Variants in CNTN4 observed in about 807,000 individuals in gnomAD.
CNTN4 encodes the protein contactin 4, also known as contactin-4.
A neutral mutation model predicts 122.5 loss-of-function variants in CNTN4; 77 were observed. That is an observed-to-expected ratio of 0.63 (90% CI 0.52 to 0.76). The LOEUF is 0.76. CNTN4 is among the 30% of genes least tolerant of loss of function. CNTN4 has a pLI of 0.00. For synonymous variants in CNTN4, 512 were observed against 447.0 expected (o/e 1.15, Z -1.83); for missense variants, 1,256 against 1,259.1 (o/e 1.00, Z 0.04).
intron 4 of CNTN4, among the ~76,000 whole-genome samples, chr3:2,634,932 C>G (rs1032418841): frequency 6.6e-6 from 1 of 151,750 alleles, no homozygotes; most frequent in Admixed American, 6.6e-5. Context: ...AAAAGAAATC[C>G]AGTATTGGGG....
chr3:2,423,054 G>A (rs11716221), intron 3 of CNTN4, among the ~76,000 whole-genome samples: 35,947 of 152,092 alleles, frequency 0.24, 5,384 homozygotes, highest in Non-Finnish European at 0.35. Flanking sequence ...TGTTTTAGTG[G>A]AATGAACTTA....
At chr3:2,589,181 G>A (rs942006412) in intron 4 of CNTN4, among the ~76,000 whole-genome samples, 1 of 152,178 alleles carries the variant, frequency 6.6e-6, no homozygotes, top group Non-Finnish European at 1.5e-5. Context: ...ATTGTGACTG[G>A]AGATCCTTTA....
intron 2 of CNTN4, among the ~76,000 whole-genome samples, chr3:2,131,765 GCAAAACAGTTAA>G (rs773350000): frequency 6.6e-6 from 1 of 152,140 alleles, no homozygotes; most frequent in Non-Finnish European, 1.5e-5. Flanking sequence ...CTTGATACCA[GCAAAACAGTTAA>G]CTTATCATCT....
At chr3:2,345,580 A>G (rs1054085770) in intron 3 of CNTN4, among the ~76,000 whole-genome samples, 1 of 152,200 alleles carries the variant, frequency 6.6e-6, no homozygotes, top group African/African-American at 2.4e-5. Flanking sequence ...AGCTAAGTAC[A>G]TGCCAGAACA....
chr3:2,581,641 T>G (rs1391334074), intron 4 of CNTN4, among the ~76,000 whole-genome samples: 4 of 152,220 alleles, frequency 2.6e-5, no homozygotes, highest in African/African-American at 9.6e-5. Flanking sequence ...TTTTCTCTTG[T>G]AAAGTTTTTC....
chr3:2,880,341 C>G (rs182769243), intron 8 of CNTN4, among the ~76,000 whole-genome samples: 1 of 152,324 alleles, frequency 6.6e-6, no homozygotes, highest in East Asian at 1.9e-4. Context: ...CCTGGGAAGA[C>G]GAAAGACCTC....
intron 2 of CNTN4, among the ~76,000 whole-genome samples, chr3:2,319,437 G>A (rs887989151): frequency 2.3e-4 from 35 of 151,964 alleles, no homozygotes; most frequent in African/African-American, 8.2e-4. Flanking sequence ...TTACACCAAG[G>A]GTGCCTGCCT....
At chr3:2,962,294 A>G (rs977090465) in intron 13 of CNTN4, among the ~76,000 whole-genome samples, 5 of 152,220 alleles carry the variant, frequency 3.3e-5, no homozygotes, top group Non-Finnish European at 7.3e-5. Context: ...GGTGCAGCAC[A>G]GGAAATCCCA....
At chr3:3,044,673 C>T (rs1700461199) in intron 23 of CNTN4, among the ~76,000 whole-genome samples, 1 of 152,180 alleles carries the variant, frequency 6.6e-6, no homozygotes, top group South Asian at 2.1e-4. Flanking sequence ...TCTATAGCTC[C>T]CAGCGTGAGC....
intron 13 of CNTN4, among the ~76,000 whole-genome samples, chr3:2,961,806 C>G (rs1278245589): frequency 6.6e-6 from 1 of 152,160 alleles, no homozygotes; most frequent in Non-Finnish European, 1.5e-5. Flanking sequence ...AGGGCGAAAA[C>G]AAAGCCATCC....
intron 2 of CNTN4, among the ~76,000 whole-genome samples, chr3:2,313,718 CA>C (rs1347953641): frequency 1.3e-5 from 2 of 151,822 alleles, no homozygotes; most frequent in African/African-American, 4.8e-5. Context: ...TATAGAGTAA[CA>C]AAAATAATTA....
At chr3:3,035,189 T>C (rs2125706474) in intron 17 of CNTN4, among the ~76,000 whole-genome samples, 1 of 151,414 alleles carries the variant, frequency 6.6e-6, no homozygotes, top group Non-Finnish European at 1.5e-5. Flanking sequence ...GTGCCTGCAG[T>C]CCTAGCAACT....
chr3:2,833,869 G>A (rs1486828499), intron 7 of CNTN4, among the ~76,000 whole-genome samples: 1 of 152,200 alleles, frequency 6.6e-6, no homozygotes. Context: ...GCTGGGCGAG[G>A]TGGCTCACAC....
At chr3:2,442,537 C>T (rs1239421485) in intron 3 of CNTN4, among the ~76,000 whole-genome samples, 1 of 151,878 alleles carries the variant, frequency 6.6e-6, no homozygotes, top group African/African-American at 2.4e-5. Flanking sequence ...TCCTATGTTC[C>T]TTAAATATTG....
chr3:2,989,353 A>G (rs769138045), intron 14 of CNTN4, among the ~76,000 whole-genome samples: 20 of 152,150 alleles, frequency 1.3e-4, no homozygotes, highest in Admixed American at 3.9e-4. Flanking sequence ...ATGCTGCACC[A>G]GGAAACAGGA....
chr3:2,109,300 T>C (rs535274974), intron 2 of CNTN4, among the ~76,000 whole-genome samples: 6 of 152,264 alleles, frequency 3.9e-5, no homozygotes, highest in African/African-American at 1.4e-4. Context: ...AAATATTTTG[T>C]CTTTCTTTTG....
intron 2 of CNTN4, among the ~76,000 whole-genome samples, chr3:2,325,304 T>C (rs963734072): frequency 6.6e-6 from 1 of 152,216 alleles, no homozygotes; most frequent in Admixed American, 6.5e-5. Flanking sequence ...CTTTATATAA[T>C]ATTTTCCCAT....
chr3:2,449,109 A>T (rs2151339269), intron 3 of CNTN4, among the ~76,000 whole-genome samples: 1 of 152,312 alleles, frequency 6.6e-6, no homozygotes, highest in African/African-American at 2.4e-5. Flanking sequence ...GAAAACCTAG[A>T]ATCTTTATAC....
intron 2 of CNTN4, among the ~76,000 whole-genome samples, chr3:2,153,003 C>G (rs994519663): frequency 2.0e-5 from 3 of 152,162 alleles, no homozygotes; most frequent in Non-Finnish European, 4.4e-5. Flanking sequence ...TTTAGATTAC[C>G]AGACCCTACA....
Sources: gnomAD v4.1 joint callset for allele counts (sites outside exome capture counted in the v4.1 genomes callset) on GRCh38, gnomAD v4.1.1 for gene constraint, MANE v1.5 for transcripts, NCBI Gene and HGNC (gene_info 2026-07-23, HGNC 2026-07-21) for gene names.